Variants in ETV4 observed in about 807,000 individuals in gnomAD.
The protein encoded by ETV4 is ETS translocation variant 4.
ETV4 carries 42 observed loss-of-function variants against 65.9 expected under a neutral mutation model. The ratio of observed to expected loss-of-function variants is 0.64; its 90% CI spans 0.50 to 0.82. The LOEUF is 0.82. Ranked by LOEUF, ETV4 falls within the 40% of genes least tolerant of loss-of-function variation. ETV4 has a pLI of 0.00. For synonymous variants in ETV4, 238 were observed against 260.0 expected (o/e 0.92, Z 0.81); for missense variants, 583 against 630.3 (o/e 0.92, Z 0.80).
chr17:43,528,808 G>A (rs1970723976), intron 12 of ETV4, 65 bp from the exon 13 acceptor site: 1 of 1,328,786 alleles, frequency 7.5e-7, no homozygotes, highest in Non-Finnish European at 1.1e-6. Flanking sequence ...GGGTAAGGTG[G>A]GGGAGTGGGG....
intron 4 of ETV4, among the ~76,000 whole-genome samples, chr17:43,541,092 C>G (rs756391160): frequency 1.3e-5 from 2 of 152,132 alleles, no homozygotes; most frequent in Admixed American, 1.3e-4. Flanking sequence ...GAGGAGGCTT[C>G]CTCCAGCACA....
Position 43,528,551 on chromosome 17 carries a change from G to A in ETV4, c.1423C>T (p.Pro475Ser). ...YLPELAGPAQ[P>S]FGPKGGYSY ...GAGTAGCCACCCTTGGGGCCAAATG[G>A]CTGGGCGGGGCCAGCCAGCTCTGGG... The change falls in exon 13 of 13, where the codon CCA becomes TCA. Residue 475 changes from proline (P) to serine (S), a missense_variant. Transcript: ENST00000319349. 1 of 1,612,708 alleles carries A rather than the reference G, an allele frequency of 6.2e-7. No individual in the cohort carries two copies. The highest frequency in any genetic ancestry group is 8.5e-7 in the Non-Finnish European group (1 of 1,179,202).
At chr17:43,531,300 C>G (rs1970923681) in intron 8 of ETV4, among the ~76,000 whole-genome samples, 1 of 152,190 alleles carries the variant, frequency 6.6e-6, no homozygotes, top group Non-Finnish European at 1.5e-5. Context: ...TTTTCTGGAC[C>G]CTTCCTGGGA....
Position 43,545,366 on chromosome 17 carries a change from T to C in ETV4, c.62A>G (p.Lys21Arg). 6.3e-7 allele frequency: 1 copy of C among 1,591,952 alleles called. No homozygotes were observed. The highest frequency in any genetic ancestry group is 8.6e-7 in the Non-Finnish European group (1 of 1,168,434). The change falls in exon 3 of 13, where the codon AAA (lysine) becomes AGA (arginine). Residue 21 changes from lysine (K) to arginine (R), a missense_variant and splice_region_variant. Coordinates refer to ENST00000319349, the MANE Select transcript of ETV4 (RefSeq NM_001079675.5). ...DQQVPYTFSS[K>R]SPGNGSLREA... is the part of the protein sequence containing the mutation. ...GCGCAAGCTCCCATTTCCGGGCGAT[T>C]TCTGCGAGAAGCGGGGAGAATGCCC...
intron 3 of ETV4, 108 bp downstream of exon 3, chr17:43,545,166 G>A (rs960205225): frequency 1.6e-6 from 2 of 1,256,888 alleles, no homozygotes; most frequent in Admixed American, 2.0e-5. Flanking sequence ...AGTTTTTTGG[G>A]GAAACAGGCG....
chr17:43,534,740 G>T (rs1373806203), intron 5 of ETV4, among the ~76,000 whole-genome samples: 1 of 152,118 alleles, frequency 6.6e-6, no homozygotes, highest in Non-Finnish European at 1.5e-5. Context: ...AGAAGTTCAA[G>T]ACCAGCCTGA....
intron 8 of ETV4, chr17:43,530,513 T>A (rs1221214296): frequency 3.6e-6 from 4 of 1,099,780 alleles, no homozygotes; most frequent in Non-Finnish European, 3.6e-6. Context: ...GAGATGAACG[T>A]CCGGGGAAAG....
intron 4 of ETV4, among the ~76,000 whole-genome samples, chr17:43,538,596 C>T (rs1040553155): frequency 6.6e-6 from 1 of 152,196 alleles, no homozygotes; most frequent in Non-Finnish European, 1.5e-5. Context: ...AGTTCTTATT[C>T]TGGCCTCCCC....
chr17:43,529,025 AT>A, intron 12 of ETV4, 109 bp downstream of exon 12: 1 of 1,055,302 alleles, frequency 9.5e-7, no homozygotes, highest in Non-Finnish European at 1.5e-6. Context: ...TGACTGATTC[AT>A]TATCTGATCC....
In ETV4 at chr17:43,532,657, C is replaced by G. The variant is rs1165277298; in HGVS notation, c.811+17G>C. ...ACACTTGATCACATGCCACCCTGCCCCACCCCAGTCTCTTACCTGAGTCGT... is the reference window on the plus strand; with the variant it reads ...ACACTTGATCACATGCCACCCTGCCGCACCCCAGTCTCTTACCTGAGTCGT... On this transcript the variant is annotated intron_variant, in intron 8 of 12. Transcript: ENST00000319349. The G allele has an allele frequency of 1.2e-6, 2 of 1,603,698 alleles. No individual in the cohort carries two copies. The highest frequency in any genetic ancestry group is 2.2e-5 in the East Asian group (1 of 44,634).
At chr17:43,534,029 C>G in intron 5 of ETV4, 44 bp from the exon 6 acceptor site, 1 of 1,464,306 alleles carries the variant, frequency 6.8e-7, no homozygotes, top group Non-Finnish European at 8.9e-7. Context: ...GCCTGTCACA[C>G]AAGAGGCAGG....
intron 8 of ETV4, among the ~76,000 whole-genome samples, chr17:43,532,019 TTTTAA>T (rs1450310035): frequency 6.6e-6 from 1 of 152,236 alleles, no homozygotes. Flanking sequence ...TCCCCCTTTA[TTTTAA>T]TTTTACTTTT....
chr17:43,545,183 C>T, intron 3 of ETV4, 91 bp downstream of exon 3: 1 of 1,153,128 alleles, frequency 8.7e-7, no homozygotes, highest in Non-Finnish European at 1.2e-6. Context: ...GGCGGGGGTT[C>T]CAGAATCGGC....
At chr17:43,545,236 G>GT in intron 3 of ETV4, 38 bp downstream of exon 3, 17 of 709,766 alleles carry the variant, frequency 2.4e-5, no homozygotes, top group Non-Finnish European at 3.7e-5. Flanking sequence ...TGTGTGTGTG[G>GT]CGGAGGAGGG....
At chr17:43,530,399 T>A (rs1970850768) in intron 8 of ETV4, 1 of 1,428,946 alleles carries the variant, frequency 7.0e-7, no homozygotes, top group Non-Finnish European at 9.2e-7. Context: ...GGGCTGCGGC[T>A]GAGGCCATGG....
At position 43,528,228 on chromosome 17, in the gene ETV4, G is replaced by A. The variant is rs1970683142; in HGVS notation, c.*291C>T. The A allele has an allele frequency of 2.9e-6, 1 of 343,368 alleles. No individual in the cohort carries two copies. The highest frequency in any genetic ancestry group is 4.4e-5 in the East Asian group (1 of 22,846). The allele number at this position is 343,368 out of a possible 1,614,324, so 21.3% of individuals were successfully genotyped here. A position where few individuals can be genotyped will look rare whatever the true frequency, so the allele number is the denominator to read the frequency against. On this transcript the variant is annotated 3_prime_UTR_variant, in exon 13 of 13. Transcript: ENST00000319349. ...ACAAACTCTTGTTCTCTGTGGTTGG[G>A]GAAAAGGTGTGGGGGGCTTGGACCT...
At position 43,545,234 on chromosome 17, in the gene ETV4, TGGC is replaced by T. The variant is rs754264294; in HGVS notation, c.154+37_154+39del. 2,521 of 1,237,738 alleles carry T rather than the reference TGGC, an allele frequency of 2.0e-3. 45 individuals carry two copies. The African/African-American group carries it at 0.035, about 17-fold the overall frequency. 76.7% of individuals were successfully genotyped at this position (1,237,738 alleles called of 1,614,324 possible). A position where few individuals can be genotyped will look rare whatever the true frequency, so the allele number is the denominator to read the frequency against. ...GTGTGTGTGTGTGTGTGTGTGTGTG[TGGC>T]GGAGGAGGGTCGCGGTTTGTCTCTC... On this transcript the variant is annotated intron_variant, in intron 3 of 12. Coordinates refer to ENST00000319349, the MANE Select transcript of ETV4 (RefSeq NM_001079675.5).
rs1970695372 is a variant in ETV4 at position 43,528,483 on chromosome 17, G to A, written c.*36C>T. The A allele has an allele frequency of 7.0e-7, 1 of 1,421,960 alleles. No individual in the cohort carries two copies. The highest frequency in any genetic ancestry group is 9.8e-7 in the Non-Finnish European group (1 of 1,025,470). 88.1% of individuals were successfully genotyped at this position (1,421,960 alleles called of 1,614,324 possible). The stretch of plus-strand genomic sequence containing the variant: ...GATTCATTTATATGTACACAGGGCA[G>A]CACCCACCTGCGGCAGGGGGAACAG... On this transcript the variant is annotated 3_prime_UTR_variant, in exon 13 of 13. Coordinates refer to ENST00000319349, the MANE Select transcript of ETV4 (RefSeq NM_001079675.5).
At chr17:43,532,628 C>T (rs201905867) in intron 8 of ETV4, 46 bp downstream of exon 8, 1 of 1,552,796 alleles carries the variant, frequency 6.4e-7, no homozygotes, top group East Asian at 2.3e-5. Context: ...CTGGGCTTAA[C>T]TGAACACTTG....
Sources: allele counts gnomAD v4.1 joint callset (sites outside exome capture counted in the v4.1 genomes callset), GRCh38; gene constraint gnomAD v4.1.1; transcripts MANE v1.5; gene names NCBI Gene and HGNC (gene_info 2026-07-23, HGNC 2026-07-21).